PUDP: variants seen among roughly 807,000 people sequenced by gnomAD.
The protein encoded by PUDP is pseudouridine-5'-phosphatase.
A neutral mutation model predicts 9.4 loss-of-function variants in PUDP; 8 were observed. That is an observed-to-expected ratio of 0.85 (90% CI 0.50 to 1.53). The LOEUF (loss-of-function observed/expected upper bound fraction) is 1.53, where lower values mean the gene tolerates loss of function less well. Among genes scored for constraint, PUDP ranks in the 40% most tolerant of loss-of-function variants. The probability of loss-of-function intolerance (pLI) is 0.00; values close to 1 mark genes in which losing one functional copy is unlikely to be tolerated. For missense variants in PUDP, 188 were observed against 189.7 expected (o/e 0.99, Z 0.05); for synonymous variants, 99 against 80.7 (o/e 1.23, Z -1.22).
Position 6,958,126 on chromosome X carries a change from T to A in PUDP, c.*247+19007A>T, listed in dbSNP as rs1260231671. On this transcript the variant is annotated intron_variant and NMD_transcript_variant, in intron 3 of 3. Transcript: ENST00000655425. ...ATAGGGTCATTTATAACCTTACGCG[T>A]CCACCCTACTGCTGTGTCCGGTTTC... 4.5e-5 allele frequency among the ~76,000 whole-genome samples: 5 copies of A among 112,323 alleles called. No individual in the cohort carries two copies. In the East Asian group the frequency reaches 1.4e-3, roughly 31 times the overall value.
At chrX:6,998,254 A>C (rs186609170) in intron 1 of PUDP, among the ~76,000 whole-genome samples, 83 of 111,569 alleles carry the variant, frequency 7.4e-4, no homozygotes, top group Non-Finnish European at 1.1e-3. Flanking sequence ...TGGGATGACG[A>C]GATAATAATG....
intron 3 of PUDP, among the ~76,000 whole-genome samples, chrX:6,852,495 T>A (rs1333130414): frequency 9.0e-6 from 1 of 111,489 alleles, no homozygotes; most frequent in Non-Finnish European, 1.9e-5. Context: ...ATGATCCTCA[T>A]GCTCCTTAGG....
chrX:6,888,971 G>A (rs1417763099), intron 3 of PUDP, among the ~76,000 whole-genome samples: 3 of 112,586 alleles, frequency 2.7e-5, no homozygotes, highest in Non-Finnish European at 3.7e-5. Flanking sequence ...ACAGGTCTGA[G>A]AGTTCACATG....
At chrX:6,972,941 T>C (rs897907580) in intron 3 of PUDP, among the ~76,000 whole-genome samples, 6 of 111,671 alleles carry the variant, frequency 5.4e-5, no homozygotes, top group Non-Finnish European at 1.1e-4. Flanking sequence ...CTTGGGAGGG[T>C]GTATGTGTCC....
chrX:6,928,416 A>T (rs1400973277), intron 3 of PUDP, among the ~76,000 whole-genome samples: 2 of 111,419 alleles, frequency 1.8e-5, no homozygotes, highest in Non-Finnish European at 3.8e-5. Flanking sequence ...GCGTGTCCAA[A>T]CGCCAGATTT....
intron 3 of PUDP, among the ~76,000 whole-genome samples, chrX:6,778,334 T>C (rs1377693428): frequency 8.9e-6 from 1 of 112,573 alleles, no homozygotes; most frequent in African/African-American, 3.2e-5. Context: ...GAATAGGGTA[T>C]CTATACATCC....
At chrX:6,734,522 C>G (rs1052874379) in intron 3 of PUDP, among the ~76,000 whole-genome samples, 2 of 112,011 alleles carry the variant, frequency 1.8e-5, no homozygotes, top group African/African-American at 6.5e-5. Flanking sequence ...CCTGTAATCC[C>G]AGTGCTTTGG....
chrX:6,973,095 T>A (rs978506974), intron 3 of PUDP, among the ~76,000 whole-genome samples: 7 of 112,279 alleles, frequency 6.2e-5, no homozygotes, highest in Non-Finnish European at 1.3e-4. Context: ...GATTCTTCTC[T>A]CTTTTCTTCT....
rs1242709325 is a variant in PUDP, at chrX:7,146,479, A to C, written c.61+1574T>G. On this transcript the variant is annotated intron_variant, in intron 1 of 3. Coordinates refer to ENST00000381077, the MANE Select transcript of PUDP (RefSeq NM_012080.5). ...GTAGGAAAATTCATGTCTACAAACT[A>C]TACCTATGTATCCCACAAGCTTTCT... is the stretch of plus-strand genomic sequence containing the variant. 2.7e-5 allele frequency among the ~76,000 whole-genome samples: 3 copies of C among 111,735 alleles called. No individual in the cohort carries two copies. In the Admixed American group the frequency reaches 2.8e-4, roughly 11 times the overall value.
chrX:6,777,443 A>G (rs756349697), intron 3 of PUDP, among the ~76,000 whole-genome samples: 1 of 112,105 alleles, frequency 8.9e-6, no homozygotes, highest in South Asian at 3.7e-4. Context: ...CGTGGCTTTC[A>G]TCAGCCTGAC....
intron 3 of PUDP, among the ~76,000 whole-genome samples, chrX:6,950,614 G>A (rs1384797760): frequency 1.8e-5 from 2 of 108,305 alleles, no homozygotes; most frequent in Admixed American, 9.9e-5. Context: ...GTTTCACCAT[G>A]TTAGCCAGGA....
chrX:6,728,715 C>T (rs1003000574), intron 3 of PUDP, among the ~76,000 whole-genome samples: 6 of 111,704 alleles, frequency 5.4e-5, no homozygotes, highest in African/African-American at 2.0e-4. Context: ...CCTTTCCCTC[C>T]GTTAGCATCT....
chrX:6,734,792 A>G (rs1442145486), intron 3 of PUDP, among the ~76,000 whole-genome samples: 1 of 111,543 alleles, frequency 9.0e-6, no homozygotes, highest in Non-Finnish European at 1.9e-5. Context: ...TAATTAAACA[A>G]AAATTAAAGA....
intron 3 of PUDP, among the ~76,000 whole-genome samples, chrX:7,058,744 G>A (rs1930316917): frequency 8.9e-6 from 1 of 112,015 alleles, no homozygotes; most frequent in Non-Finnish European, 1.9e-5. Flanking sequence ...GCTGAGGTAT[G>A]TGTGTATTTT....
intron 3 of PUDP, among the ~76,000 whole-genome samples, chrX:6,866,085 T>A (rs1927079461): frequency 9.0e-6 from 1 of 110,714 alleles, no homozygotes; most frequent in Non-Finnish European, 1.9e-5. Context: ...CATGCAGGAC[T>A]ATTTTTTCTT....
chrX:7,129,867 C>T (rs1051458930), intron 1 of PUDP, among the ~76,000 whole-genome samples: 69 of 111,247 alleles, frequency 6.2e-4, no homozygotes, highest in African/African-American at 2.1e-3. Context: ...TGCAGGGCAC[C>T]GTCCCGCTCT....
At chrX:6,937,093 G>T (rs1321118732) in intron 3 of PUDP, among the ~76,000 whole-genome samples, 1 of 104,319 alleles carries the variant, frequency 9.6e-6, no homozygotes, top group Non-Finnish European at 2.0e-5. Context: ...TCCCCATCAA[G>T]CTACCAATGA....
At chrX:6,906,646 G>A (rs969131806) in intron 3 of PUDP, among the ~76,000 whole-genome samples, 2 of 112,194 alleles carry the variant, frequency 1.8e-5, no homozygotes, top group Admixed American at 1.9e-4. Flanking sequence ...TGCTGGGGAA[G>A]AGGCCCCAAA....
chrX:6,843,919 T>C (rs1286993870), intron 3 of PUDP, among the ~76,000 whole-genome samples: 2 of 112,776 alleles, frequency 1.8e-5, no homozygotes, highest in Non-Finnish European at 3.8e-5. Flanking sequence ...AAAAACTACA[T>C]AAAATTTTAA....
Sources: gnomAD v4.1 joint callset for allele counts (sites outside exome capture counted in the v4.1 genomes callset) on GRCh38, gnomAD v4.1.1 for gene constraint, MANE v1.5 for transcripts, NCBI Gene and HGNC (gene_info 2026-07-23, HGNC 2026-07-21) for gene names.